Variants in DOCK8 observed in about 807,000 individuals in gnomAD.
DOCK8 encodes dedicator of cytokinesis protein 8.
A neutral mutation model predicts 245.6 loss-of-function variants in DOCK8; 141 were observed. That is an observed-to-expected ratio of 0.57 (90% CI 0.50 to 0.66). The LOEUF (loss-of-function observed/expected upper bound fraction) is 0.66, where lower values mean the gene tolerates loss of function less well. Among genes scored for constraint, DOCK8 ranks in the 30% least tolerant of loss-of-function variants. The pLI, the probability that DOCK8 is intolerant of heterozygous loss-of-function variation, is 0.00. For synonymous variants in DOCK8, 1,168 were observed against 970.2 expected, an observed-to-expected ratio of 1.20 and a Z score of -3.79; for missense variants, 2,965 against 2,603.4, an observed-to-expected ratio of 1.14 and a Z score of -3.02.
chr9:300,314 T>A (rs905958828), intron 4 of DOCK8, among the ~76,000 whole-genome samples: 2 of 152,126 alleles, frequency 1.3e-5, no homozygotes, highest in Admixed American at 1.3e-4. Flanking sequence ...TTACATTTCT[T>A]ACTTTATCTA....
At chr9:310,883 C>T (rs1281757530) in intron 5 of DOCK8, among the ~76,000 whole-genome samples, 1 of 152,196 alleles carries the variant, frequency 6.6e-6, no homozygotes, top group Non-Finnish European at 1.5e-5. Flanking sequence ...TTGTGATGTT[C>T]ATCCCCGACT....
chr9:412,221 T>C (rs954347967), intron 28 of DOCK8, among the ~76,000 whole-genome samples: 1 of 152,002 alleles, frequency 6.6e-6, no homozygotes, highest in African/African-American at 2.4e-5. Context: ...CTGAGCAACA[T>C]GGCAAAACGC....
At chr9:376,937 T>C (rs1023384292) in intron 19 of DOCK8, 40 bp from the exon 20 acceptor site, 2 of 1,561,086 alleles carry the variant, frequency 1.3e-6, no homozygotes, top group African/African-American at 2.7e-5. Flanking sequence ...TGAACATTGA[T>C]GGTATAAAAC....
intron 18 of DOCK8, among the ~76,000 whole-genome samples, chr9:373,628 A>T (rs1216473041): frequency 6.6e-6 from 1 of 152,184 alleles, no homozygotes; most frequent in African/African-American, 2.4e-5. Context: ...TTTAATTTCA[A>T]CCGTTCCAGT....
intron 26 of DOCK8, among the ~76,000 whole-genome samples, chr9:400,663 C>T: frequency 8.0e-6 from 1 of 124,568 alleles, no homozygotes; most frequent in East Asian, 2.4e-4. Context: ...CCTCCACCAC[C>T]ACCAGCATCT....
intron 29 of DOCK8, 84 bp from the exon 30 acceptor site, chr9:417,984 G>A (rs767629553): frequency 1.3e-6 from 2 of 1,575,614 alleles, no homozygotes; most frequent in Non-Finnish European, 1.7e-6. Context: ...TTTAGTGACT[G>A]AGAAGTATCA....
intron 23 of DOCK8, 56 bp downstream of exon 23, chr9:386,482 C>G: frequency 6.8e-7 from 1 of 1,468,730 alleles, no homozygotes; most frequent in Non-Finnish European, 9.5e-7. Context: ...AGGATTTCCT[C>G]ATGCCCTCAC....
chr9:444,008 C>T (rs899852037), intron 43 of DOCK8, among the ~76,000 whole-genome samples: 4 of 152,146 alleles, frequency 2.6e-5, no homozygotes, highest in African/African-American at 7.2e-5. Context: ...TAGTGGCTTC[C>T]TTCTTTAGGC....
At chr9:225,153 C>T (rs567091730) in intron 1 of DOCK8, among the ~76,000 whole-genome samples, 1 of 140,658 alleles carries the variant, frequency 7.1e-6, no homozygotes, top group East Asian at 2.1e-4. Context: ...GCAGCCTATG[C>T]CCTCAGAATC....
At chr9:394,889 C>G (rs1484527119) in intron 24 of DOCK8, among the ~76,000 whole-genome samples, 1 of 152,144 alleles carries the variant, frequency 6.6e-6, no homozygotes, top group East Asian at 1.9e-4. Context: ...GGAAAGAGGC[C>G]ATTGGTTGGA....
intron 44 of DOCK8, among the ~76,000 whole-genome samples, chr9:448,286 T>G (rs569972671): frequency 4.1e-4 from 63 of 152,308 alleles, no homozygotes; most frequent in Non-Finnish European, 2.2e-4. Flanking sequence ...ATATATATTT[T>G]GTAAGAGACA....
In DOCK8 at chr9:252,063, A is replaced by G. The variant is rs199850928; in HGVS notation, c.54-19564A>G. Among the ~76,000 whole-genome samples, 90 of 146,558 alleles carry G rather than the reference A, an allele frequency of 6.1e-4. No individual in the cohort carries two copies. In the South Asian group the frequency reaches 0.018, roughly 30 times the overall value. On this transcript the variant is annotated intron_variant, in intron 1 of 47. Transcript: ENST00000432829. ...ATCTCGGCTCACTGCAACCTCTGCCACCTGGGTTCAAGTGATTCTCCTGCC... is the reference window on the plus strand; with the variant it reads ...ATCTCGGCTCACTGCAACCTCTGCCGCCTGGGTTCAAGTGATTCTCCTGCC...
chr9:328,427 C>T (rs966607510), intron 9 of DOCK8, among the ~76,000 whole-genome samples: 8 of 152,302 alleles, frequency 5.3e-5, no homozygotes, highest in African/African-American at 1.9e-4. Flanking sequence ...TTGGCAGTTT[C>T]CTGGTCTTTC....
intron 26 of DOCK8, among the ~76,000 whole-genome samples, chr9:403,868 C>G (rs1285199508): frequency 4.8e-4 from 39 of 81,896 alleles, no homozygotes; most frequent in African/African-American, 2.1e-3. Context: ...ATCTCTCTCT[C>G]TCTCTCTCTC....
chr9:251,428 T>C (rs188300978), intron 1 of DOCK8, among the ~76,000 whole-genome samples: 1 of 152,338 alleles, frequency 6.6e-6, no homozygotes, highest in Admixed American at 6.5e-5. Context: ...GTTCAAAGTC[T>C]CAGCAACAAG....
At chr9:295,243 A>G (rs1308750497) in intron 4 of DOCK8, among the ~76,000 whole-genome samples, 1 of 152,084 alleles carries the variant, frequency 6.6e-6, no homozygotes, top group Non-Finnish European at 1.5e-5. Context: ...AGATGAAGCT[A>G]CAGGGATGGA....
At chr9:253,617 C>A (rs530523224) in intron 1 of DOCK8, among the ~76,000 whole-genome samples, 2 of 152,288 alleles carry the variant, frequency 1.3e-5, no homozygotes, top group East Asian at 1.9e-4. Context: ...AAGAGACTAG[C>A]AAAATGGGAG....
At chr9:314,220 T>G (rs952805426) in intron 6 of DOCK8, 1 of 152,204 alleles carries the variant, frequency 6.6e-6, no homozygotes, top group East Asian at 1.9e-4. Context: ...ACATTAAGAC[T>G]TTTTACCAGA....
chr9:400,349 CCACCTCCTCCACCAT>C, intron 26 of DOCK8, among the ~76,000 whole-genome samples: 1 of 79,576 alleles, frequency 1.3e-5, no homozygotes, highest in Admixed American at 1.3e-4. Context: ...TCCACCACCA[CCACCTCCTCCACCAT>C]CACCACCTCC....
Sources: gnomAD v4.1 joint callset for allele counts (sites outside exome capture counted in the v4.1 genomes callset) on GRCh38, gnomAD v4.1.1 for gene constraint, MANE v1.5 for transcripts, NCBI Gene and HGNC (gene_info 2026-07-23, HGNC 2026-07-21) for gene names.